Variants in NPAS3 observed in about 807,000 individuals in gnomAD.
The protein encoded by NPAS3 is neuronal PAS domain protein 3, also known as neuronal PAS domain-containing protein 3.
NPAS3 carries 14 observed loss-of-function variants against 73.1 expected under a neutral mutation model. The observed-to-expected ratio is 0.19, with a 90% CI of 0.13 to 0.30. The LOEUF (loss-of-function observed/expected upper bound fraction) is 0.30. Among genes scored for constraint, NPAS3 ranks in the 10% least tolerant of loss-of-function variants. The pLI is 1.00. For missense variants in NPAS3, 1,096 were observed against 1,250.0 expected, an observed-to-expected ratio of 0.88 and a Z score of 1.86; for synonymous variants, 620 against 541.5, an observed-to-expected ratio of 1.14 and a Z score of -2.01.
At chr14:33,090,432 C>G (rs1170754020) in intron 2 of NPAS3, among the ~76,000 whole-genome samples, 1 of 152,174 alleles carries the variant, frequency 6.6e-6, no homozygotes, top group Non-Finnish European at 1.5e-5. Flanking sequence ...GGGATCAATT[C>G]AATGAGAAGA....
upstream of NPAS3, among the ~76,000 whole-genome samples, chr14:32,935,674 T>C (rs1469263853): frequency 6.6e-6 from 1 of 152,246 alleles, no homozygotes; most frequent in East Asian, 1.9e-4. Context: ...TTATTTGTAG[T>C]TCTCTTAAAC....
intron 3 of NPAS3, among the ~76,000 whole-genome samples, chr14:33,223,992 T>A (rs142450385): frequency 6.5e-4 from 99 of 152,306 alleles, no homozygotes; most frequent in African/African-American, 2.0e-3. Flanking sequence ...GCACTTCATA[T>A]ACTTTTTCTT....
intron 5 of NPAS3, among the ~76,000 whole-genome samples, chr14:33,645,312 TG>T (rs1363260133): frequency 6.6e-6 from 1 of 151,984 alleles, no homozygotes; most frequent in Non-Finnish European, 1.5e-5. Context: ...CCTCTGGGGG[TG>T]GGATTCCAGA....
chr14:33,333,122 T>C (rs2044060899), intron 3 of NPAS3, among the ~76,000 whole-genome samples: 1 of 152,200 alleles, frequency 6.6e-6, no homozygotes. Context: ...GGGTATTTCA[T>C]GTTGCTGAGA....
rs2047347244 is a variant in NPAS3 at position 33,219,569 on chromosome 14, T to G, written c.385+4143T>G. Among the ~76,000 whole-genome samples, 2 of 152,208 alleles carry G rather than the reference T, an allele frequency of 1.3e-5. 1 individual carries two copies. Among genetic ancestry groups the G allele is most frequent in the South Asian group, 4.1e-4 (2 of 4,832 alleles). On this transcript the variant is annotated intron_variant, in intron 3 of 11. Transcript: ENST00000356141. ...GACTGAACACATTAGGGAAGAACTT[T>G]ACTATTTCCATAGAATTTCCCTTCA...
chr14:33,414,818 G>C (rs988544768), intron 4 of NPAS3, among the ~76,000 whole-genome samples: 3 of 152,102 alleles, frequency 2.0e-5, no homozygotes, highest in Non-Finnish European at 4.4e-5. Context: ...CACTCCTTGA[G>C]AATTACTGGT....
At chr14:33,730,134 A>G (rs1220195952) in intron 6 of NPAS3, among the ~76,000 whole-genome samples, 1 of 152,206 alleles carries the variant, frequency 6.6e-6, no homozygotes, top group Non-Finnish European at 1.5e-5. Context: ...AAAAGGAGCC[A>G]CACTAAGTGC....
intron 1 of NPAS3, among the ~76,000 whole-genome samples, chr14:33,004,228 C>G (rs1212154985): frequency 6.6e-6 from 1 of 152,146 alleles, no homozygotes; most frequent in Admixed American, 6.6e-5. Context: ...AGAAATACAT[C>G]ATTAGGCTCC....
intron 4 of NPAS3, among the ~76,000 whole-genome samples, chr14:33,528,652 C>T (rs887769515): frequency 6.6e-6 from 1 of 151,900 alleles, no homozygotes; most frequent in Non-Finnish European, 1.5e-5. Context: ...AACCAGGCTG[C>T]GAAAAAGTTG....
chr14:33,792,629 A>G (rs1455292783), intron 9 of NPAS3, among the ~76,000 whole-genome samples: 1 of 151,974 alleles, frequency 6.6e-6, no homozygotes, highest in African/African-American at 2.4e-5. Context: ...AAACTGTTGT[A>G]TATGAAGCAC....
chr14:33,279,287 C>A (rs770948392), intron 3 of NPAS3, among the ~76,000 whole-genome samples: 1 of 152,110 alleles, frequency 6.6e-6, no homozygotes, highest in Non-Finnish European at 1.5e-5. Context: ...ATAATAATGA[C>A]TATTTCATTT....
intron 4 of NPAS3, among the ~76,000 whole-genome samples, chr14:33,394,716 A>G (rs1344691079): frequency 6.6e-6 from 1 of 152,210 alleles, no homozygotes; most frequent in Non-Finnish European, 1.5e-5. Context: ...TAACAATTAG[A>G]TTTTTGAAGT....
At chr14:33,547,703 A>C (rs1189881907) in intron 4 of NPAS3, among the ~76,000 whole-genome samples, 3 of 152,242 alleles carry the variant, frequency 2.0e-5, no homozygotes, top group African/African-American at 7.2e-5. Context: ...GAAGGGGCAC[A>C]AAGACAGCTG....
At chr14:33,612,557 G>A in intron 5 of NPAS3, 2 of 455,124 alleles carry the variant, frequency 4.4e-6, no homozygotes, top group Non-Finnish European at 8.8e-6. Flanking sequence ...TATTATTGCT[G>A]AAAAATAAAC....
chr14:33,282,685 T>C (rs576506405), intron 3 of NPAS3, among the ~76,000 whole-genome samples: 1 of 152,262 alleles, frequency 6.6e-6, no homozygotes, highest in Non-Finnish European at 1.5e-5. Flanking sequence ...ATTGGACTAA[T>C]TGTCTTTTAA....
intron 3 of NPAS3, among the ~76,000 whole-genome samples, chr14:33,310,881 A>C (rs1164510753): frequency 6.6e-6 from 1 of 151,720 alleles, no homozygotes; most frequent in African/African-American, 2.4e-5. Flanking sequence ...ACAGTCTGTT[A>C]CTGCTTTCTT....
intron 6 of NPAS3, among the ~76,000 whole-genome samples, chr14:33,677,904 T>C (rs1222221648): frequency 2.0e-5 from 3 of 152,240 alleles, no homozygotes; most frequent in Non-Finnish European, 4.4e-5. Context: ...AACTGTTTTT[T>C]AGTCAATAGA....
chr14:33,592,057 C>A (rs532755898), intron 5 of NPAS3, among the ~76,000 whole-genome samples: 3 of 152,218 alleles, frequency 2.0e-5, no homozygotes, highest in African/African-American at 7.2e-5. Flanking sequence ...GTGGGATGAC[C>A]GCTGGGAGAC....
intron 3 of NPAS3, among the ~76,000 whole-genome samples, chr14:33,305,288 A>C (rs2140167835): frequency 6.6e-6 from 1 of 152,244 alleles, no homozygotes; most frequent in Non-Finnish European, 1.5e-5. Flanking sequence ...ATATTTAATC[A>C]GAGAAGAAAA....
Sources: gnomAD v4.1 joint callset for allele counts (sites outside exome capture counted in the v4.1 genomes callset) on GRCh38, gnomAD v4.1.1 for gene constraint, MANE v1.5 for transcripts, NCBI Gene and HGNC (gene_info 2026-07-23, HGNC 2026-07-21) for gene names.